Variants in MLLT3 observed in about 807,000 individuals in gnomAD.
The protein encoded by MLLT3 is protein AF-9.
A neutral mutation model predicts 53.2 loss-of-function variants in MLLT3; 4 were observed. That is an observed-to-expected ratio of 0.08 (90% CI 0.04 to 0.17). The LOEUF (loss-of-function observed/expected upper bound fraction) is 0.17. Ranked by LOEUF, MLLT3 falls within the 10% of genes least tolerant of loss-of-function variation. The probability of loss-of-function intolerance (pLI) is 1.00; values close to 1 mark genes in which losing one functional copy is unlikely to be tolerated. For missense variants in MLLT3, 569 were observed against 684.0 expected (o/e 0.83, Z 1.87); for synonymous variants, 283 against 230.6 (o/e 1.23, Z -2.06).
chr9:20,538,191 AAAGT>A (rs1237261490), intron 2 of MLLT3, among the ~76,000 whole-genome samples: 29 of 152,350 alleles, frequency 1.9e-4, no homozygotes, highest in Admixed American at 3.9e-4. Flanking sequence ...TGTAAAATTC[AAAGT>A]AATAAAATAT....
At chr9:20,579,874 T>C (rs1819747666) in intron 2 of MLLT3, among the ~76,000 whole-genome samples, 1 of 152,108 alleles carries the variant, frequency 6.6e-6, no homozygotes, top group Non-Finnish European at 1.5e-5. Flanking sequence ...AAACCTTTTG[T>C]TTTCTCTAGG....
intron 2 of MLLT3, among the ~76,000 whole-genome samples, chr9:20,547,328 C>T (rs1818813452): frequency 1.3e-5 from 2 of 151,830 alleles, no homozygotes; most frequent in South Asian, 2.1e-4. Context: ...GCTACCATGC[C>T]CGGCCCTCAT....
chr9:20,467,349 G>GT lies in MLLT3; in HGVS notation c.194-10564dup, dbSNP rs1254296955. ...AATCCCAGCACTTTGGGAGGCTGAG[G>GT]TAGGTGGATCACGAGGTCAAGAGAA... On this transcript the variant is annotated intron_variant, in intron 2 of 10. Coordinates refer to ENST00000380338, the MANE Select transcript of MLLT3 (RefSeq NM_004529.4). Among the ~76,000 whole-genome samples the GT allele has an allele frequency of 3.3e-5, 5 of 152,306 alleles. No homozygotes were observed. The East Asian group carries it at 7.7e-4, about 24-fold the overall frequency.
intron 5 of MLLT3, among the ~76,000 whole-genome samples, chr9:20,389,081 T>C (rs1822118204): frequency 6.6e-6 from 1 of 152,208 alleles, no homozygotes; most frequent in South Asian, 2.1e-4. Flanking sequence ...ACGGCAGCAT[T>C]ATTCACAGCA....
intron 2 of MLLT3, among the ~76,000 whole-genome samples, chr9:20,579,466 G>A (rs1206853789): frequency 2.0e-5 from 3 of 152,002 alleles, no homozygotes; most frequent in African/African-American, 4.8e-5. Context: ...AGAAACAAGA[G>A]GAAATGTCCT....
chr9:20,545,404 GTGAAGGGGA>G (rs1818760302), intron 2 of MLLT3, among the ~76,000 whole-genome samples: 1 of 152,168 alleles, frequency 6.6e-6, no homozygotes. Flanking sequence ...GAGGCCTGGG[GTGAAGGGGA>G]GGGGATCCAT....
At chr9:20,415,537 C>T (rs1586932685) in intron 4 of MLLT3, 1 of 509,980 alleles carries the variant, frequency 2.0e-6, no homozygotes, top group African/African-American at 2.1e-5. Flanking sequence ...CTCTTTCTTG[C>T]TTACTTCCAC....
chr9:20,441,101 G>T (rs1823538468), intron 4 of MLLT3, among the ~76,000 whole-genome samples: 1 of 152,086 alleles, frequency 6.6e-6, no homozygotes, highest in Non-Finnish European at 1.5e-5. Context: ...TTCAGTCTTT[G>T]CTTAGTTTAT....
intron 4 of MLLT3, chr9:20,415,552 T>G: frequency 7.8e-6 from 3 of 384,418 alleles, no homozygotes; most frequent in Non-Finnish European, 1.1e-5. Context: ...TTCCACTTCC[T>G]AATGGAACCA....
At chr9:20,539,203 T>A (rs998673281) in intron 2 of MLLT3, among the ~76,000 whole-genome samples, 1 of 152,240 alleles carries the variant, frequency 6.6e-6, no homozygotes, top group Non-Finnish European at 1.5e-5. Context: ...TGCTGTTTGA[T>A]AGCATTTTAC....
chr9:20,549,582 G>A (rs745397602), intron 2 of MLLT3, among the ~76,000 whole-genome samples: 1 of 152,204 alleles, frequency 6.6e-6, no homozygotes, highest in Non-Finnish European at 1.5e-5. Context: ...GTATGGAAAT[G>A]ACAGTTAATG....
intron 2 of MLLT3, among the ~76,000 whole-genome samples, chr9:20,585,799 T>C (rs1315227517): frequency 6.6e-6 from 1 of 152,184 alleles, no homozygotes; most frequent in Non-Finnish European, 1.5e-5. Flanking sequence ...GACTGCTTAT[T>C]AGAAATGCAG....
At chr9:20,378,677 T>C (rs1821834474) in intron 5 of MLLT3, among the ~76,000 whole-genome samples, 1 of 152,080 alleles carries the variant, frequency 6.6e-6, no homozygotes. Context: ...AAATTGTTTA[T>C]AATCAGTCTA....
intron 2 of MLLT3, among the ~76,000 whole-genome samples, chr9:20,589,853 G>A (rs1820082335): frequency 1.3e-5 from 2 of 151,892 alleles, no homozygotes; most frequent in African/African-American, 4.8e-5. Context: ...TGGGATTACA[G>A]GTGCCCGCCA....
At chr9:20,518,443 C>G (rs1817971712) in intron 2 of MLLT3, among the ~76,000 whole-genome samples, 1 of 152,074 alleles carries the variant, frequency 6.6e-6, no homozygotes, top group African/African-American at 2.4e-5. Context: ...CAGAAAAACA[C>G]CATGAGAACA....
intron 4 of MLLT3, among the ~76,000 whole-genome samples, chr9:20,420,852 G>C (rs556161662): frequency 1.1e-4 from 17 of 152,140 alleles, no homozygotes; most frequent in Non-Finnish European, 2.4e-4. Flanking sequence ...ATAAAGTTCA[G>C]AAGTTTTATA....
intron 2 of MLLT3, among the ~76,000 whole-genome samples, chr9:20,547,152 T>G (rs1156265533): frequency 2.0e-5 from 3 of 152,138 alleles, no homozygotes; most frequent in Non-Finnish European, 2.9e-5. Context: ...AGTTCCACTT[T>G]GTAGTGAATA....
At chr9:20,426,386 T>G (rs1055174591) in intron 4 of MLLT3, among the ~76,000 whole-genome samples, 2 of 152,162 alleles carry the variant, frequency 1.3e-5, no homozygotes, top group African/African-American at 2.4e-5. Flanking sequence ...ATAATTAGCC[T>G]TGATAAATAA....
At chr9:20,390,132 C>T (rs1040358564) in intron 5 of MLLT3, among the ~76,000 whole-genome samples, 36 of 151,958 alleles carry the variant, frequency 2.4e-4, no homozygotes, top group African/African-American at 8.2e-4. Context: ...AAATATGAAA[C>T]ATTAGCCAAA....
Sources: gnomAD v4.1 joint callset for allele counts (sites outside exome capture counted in the v4.1 genomes callset) on GRCh38, gnomAD v4.1.1 for gene constraint, MANE v1.5 for transcripts, NCBI Gene and HGNC (gene_info 2026-07-23, HGNC 2026-07-21) for gene names.